Variants in CCDC171 observed in about 807,000 individuals in gnomAD.
CCDC171 encodes coiled-coil domain containing 171, also known as coiled-coil domain-containing protein 171.
A neutral mutation model predicts 168.2 loss-of-function variants in CCDC171; 177 were observed. That is an observed-to-expected ratio of 1.05 (90% CI 0.93 to 1.19). The LOEUF (loss-of-function observed/expected upper bound fraction) is 1.19, where lower values mean the gene tolerates loss of function less well. CCDC171 is among the 50% of genes most tolerant of loss of function. The pLI is 0.00. For synonymous variants in CCDC171, 687 were observed against 540.8 expected (o/e 1.27, Z -3.75); for missense variants, 1,991 against 1,539.0 (o/e 1.29, Z -4.91).
At chr9:16,008,673 C>T (rs1452547733) in intron 3 of CCDC171, among the ~76,000 whole-genome samples, 1 of 152,132 alleles carries the variant, frequency 6.6e-6, no homozygotes, top group East Asian at 1.9e-4. Context: ...ATCGCTGGGC[C>T]CCAGGTCTTG....
At chr9:15,885,331 T>C (rs1819244353) in intron 24 of CCDC171, among the ~76,000 whole-genome samples, 2 of 152,224 alleles carry the variant, frequency 1.3e-5, no homozygotes, top group Admixed American at 6.5e-5. Flanking sequence ...AATTTCTTTG[T>C]CATTAATGTT....
intron 7 of CCDC171, among the ~76,000 whole-genome samples, chr9:15,637,579 A>G (rs1484100671): frequency 6.7e-6 from 1 of 149,384 alleles, no homozygotes; most frequent in African/African-American, 2.5e-5. Context: ...TTAACTCGTC[A>G]TTTAGCATTA....
rs1554714810 is a variant in CCDC171 at position 15,623,468 on chromosome 9, C to CGCGCGCGCGCGCGCGCGT, written c.822+63_822+64insGCGCGCGCGTGCGCGCGC. 5.5e-5 allele frequency: 41 copies of CGCGCGCGCGCGCGCGCGT among 739,898 alleles called. 6 individuals are homozygous for CGCGCGCGCGCGCGCGCGT. The highest frequency in any genetic ancestry group is 7.5e-5 in the Non-Finnish European group (36 of 482,474). 45.8% of individuals were successfully genotyped at this position (739,898 alleles called of 1,614,324 possible). A position where few individuals can be genotyped will look rare whatever the true frequency, so the allele number is the denominator to read the frequency against. On this transcript the variant is annotated intron_variant, in intron 7 of 25. Coordinates refer to ENST00000380701, the MANE Select transcript of CCDC171 (RefSeq NM_173550.4). ...ATGCGTACAAACTTTCACATATGCG[C>CGCGCGCGCGCGCGCGCGT]GCGCGCGCACACACACACACACACA...
intron 18 of CCDC171, among the ~76,000 whole-genome samples, chr9:15,757,731 C>G (rs1341480732): frequency 2.0e-5 from 3 of 152,110 alleles, no homozygotes; most frequent in Non-Finnish European, 2.9e-5. Flanking sequence ...TCCCAGGGTC[C>G]CCCGTGCTGT....
At chr9:15,947,378 TG>T (rs747067222) in intron 25 of CCDC171, among the ~76,000 whole-genome samples, 1 of 152,002 alleles carries the variant, frequency 6.6e-6, no homozygotes, top group Non-Finnish European at 1.5e-5. Flanking sequence ...CCCTAGATCC[TG>T]GCAATCACCA....
intron 18 of CCDC171, among the ~76,000 whole-genome samples, chr9:15,771,890 A>G (rs1054289947): frequency 2.0e-5 from 3 of 152,092 alleles, no homozygotes; most frequent in African/African-American, 4.8e-5. Context: ...CTGGATTGCT[A>G]TGGCCAGTCT....
intron 16 of CCDC171, among the ~76,000 whole-genome samples, chr9:15,740,730 G>A (rs1266832517): frequency 1.3e-5 from 2 of 152,126 alleles, no homozygotes; most frequent in South Asian, 2.1e-4. Flanking sequence ...ATGAGCCACC[G>A]TGCCCGGCCT....
chr9:16,104,430 C>A, the CCDC171 span, among the ~76,000 whole-genome samples: 3,788 of 152,214 alleles, frequency 0.025, 166 homozygotes, highest in African/African-American at 0.088. Context: ...TTTGTCTTCC[C>A]AGCCTTTCTC....
chr9:16,049,904 T>G (rs772185572), intron 1 of CCDC171, among the ~76,000 whole-genome samples: 7 of 152,192 alleles, frequency 4.6e-5, no homozygotes, highest in Non-Finnish European at 8.8e-5. Flanking sequence ...TTGTTTGTAT[T>G]TTGACAGAGT....
At chr9:15,568,652 T>C (rs1194727694) in intron 2 of CCDC171, among the ~76,000 whole-genome samples, 4 of 152,238 alleles carry the variant, frequency 2.6e-5, no homozygotes. Flanking sequence ...GTTTCTCTAA[T>C]GATCACTGAT....
In CCDC171 at chr9:15,935,679, T is replaced by TA. The variant is rs930709224; in HGVS notation, c.3753+15264dup. ...GGTAGTCAATAAATCCCCAAAGTAA[T>TA]AAAAAAATGTATTAGCGTATTTGTA... On this transcript the variant is annotated intron_variant, in intron 25 of 25. Coordinates refer to ENST00000380701, the MANE Select transcript of CCDC171 (RefSeq NM_173550.4). Among the ~76,000 whole-genome samples, 8 of 152,018 alleles carry TA rather than the reference T, an allele frequency of 5.3e-5. No individual in the cohort carries two copies. In the East Asian group the frequency reaches 7.7e-4, roughly 15 times the overall value.
intron 11 of CCDC171, among the ~76,000 whole-genome samples, chr9:15,714,685 A>G (rs1243262772): frequency 1.3e-5 from 2 of 152,156 alleles, no homozygotes; most frequent in East Asian, 3.8e-4. Flanking sequence ...CTATGTCAGG[A>G]TTGCTAACAG....
intron 20 of CCDC171, among the ~76,000 whole-genome samples, chr9:15,783,495 A>G (rs1166264782): frequency 6.6e-6 from 1 of 152,194 alleles, no homozygotes; most frequent in Admixed American, 6.6e-5. Flanking sequence ...GAAAGTTAGA[A>G]TTTTTAAATA....
At position 15,842,855 on chromosome 9, in the gene CCDC171, T is replaced by C. The variant is rs138552914; in HGVS notation, c.3268-3847T>C. Among the ~76,000 whole-genome samples, 86 of 152,040 alleles carry C rather than the reference T, an allele frequency of 5.7e-4. No homozygotes were observed. The East Asian group carries it at 9.4e-3, about 17-fold the overall frequency. On this transcript the variant is annotated intron_variant, in intron 21 of 25. Transcript: ENST00000380701. ...TTAGAAATATAATATTATGTATGAC[T>C]TAAAATAATTTTTGCTGTTATTCAC... is the stretch of plus-strand genomic sequence containing the variant.
At chr9:15,568,112 T>C (rs2039895536) in intron 2 of CCDC171, among the ~76,000 whole-genome samples, 1 of 152,124 alleles carries the variant, frequency 6.6e-6, no homozygotes. Context: ...AAATTGATTT[T>C]AGTTCTAGTC....
At chr9:15,569,840 AAC>A (rs1491128749) in intron 2 of CCDC171, among the ~76,000 whole-genome samples, 9 of 110,440 alleles carry the variant, frequency 8.1e-5, no homozygotes, top group East Asian at 4.2e-4. Flanking sequence ...ACAAAAAACA[AAC>A]AAACAAAAAA....
chr9:16,081,760 C>T, the CCDC171 span, among the ~76,000 whole-genome samples: 14 of 152,100 alleles, frequency 9.2e-5, no homozygotes, highest in Non-Finnish European at 1.8e-4. Context: ...TATAGTAGAG[C>T]TTCTGAGGTA....
intron 6 of CCDC171, among the ~76,000 whole-genome samples, chr9:15,601,824 A>G (rs987564935): frequency 6.6e-6 from 1 of 152,186 alleles, no homozygotes; most frequent in Non-Finnish European, 1.5e-5. Flanking sequence ...TAGCTCTTTT[A>G]TTTCTAAACA....
chr9:16,010,883 C>A (rs1192286564), intron 3 of CCDC171, among the ~76,000 whole-genome samples: 4 of 152,010 alleles, frequency 2.6e-5, no homozygotes, highest in Admixed American at 1.3e-4. Context: ...GAGAAGAGGG[C>A]ATTAGGATGA....
Sources: gnomAD v4.1 joint callset for allele counts (sites outside exome capture counted in the v4.1 genomes callset) on GRCh38, gnomAD v4.1.1 for gene constraint, MANE v1.5 for transcripts, NCBI Gene and HGNC (gene_info 2026-07-23, HGNC 2026-07-21) for gene names.